Variants in TRIM9 observed in about 807,000 individuals in gnomAD.
The protein encoded by TRIM9 is E3 ubiquitin-protein ligase TRIM9.
TRIM9 carries 26 observed loss-of-function variants against 78.3 expected under a neutral mutation model. That is an observed-to-expected ratio of 0.33 (90% confidence interval 0.24 to 0.46). TRIM9 has a LOEUF of 0.46. TRIM9 is among the 20% of genes least tolerant of loss of function. The probability of loss-of-function intolerance (pLI) is 1.00; values close to 1 mark genes in which losing one functional copy is unlikely to be tolerated. For synonymous variants in TRIM9, 398 were observed against 416.5 expected, an observed-to-expected ratio of 0.96 and a Z score of 0.54; for missense variants, 787 against 1,036.4, an observed-to-expected ratio of 0.76 and a Z score of 3.30.
chr14:51,023,073 A>C (rs769677988), intron 2 of TRIM9, 116 bp from the exon 3 acceptor site: 455 of 1,359,914 alleles, frequency 3.3e-4, no homozygotes, highest in Non-Finnish European at 4.4e-4. Flanking sequence ...TCCACAATGC[A>C]CATTTGGTAA....
chr14:51,012,151 G>T (rs1009451168), intron 3 of TRIM9, among the ~76,000 whole-genome samples: 1 of 152,080 alleles, frequency 6.6e-6, no homozygotes, highest in African/African-American at 2.4e-5. Flanking sequence ...ACACTATTGT[G>T]CAACTATCAC....
intron 1 of TRIM9, among the ~76,000 whole-genome samples, chr14:51,085,059 T>C (rs571167456): frequency 2.8e-4 from 42 of 152,338 alleles, no homozygotes; most frequent in African/African-American, 9.1e-4. Flanking sequence ...CTTAGACTGA[T>C]AGACAGCGCA....
In TRIM9 at chr14:51,050,947, G is replaced by A. The variant is rs555508963; in HGVS notation, c.823-25587C>T. ...AACTGGTATCTGAATGCAACCTCAC[G>A]GGAGACTCCAACAGAACCACCAAGC... On this transcript the variant is annotated intron_variant, in intron 1 of 12. Transcript: ENST00000684578. 6.6e-5 allele frequency among the ~76,000 whole-genome samples: 10 copies of A among 152,256 alleles called. No homozygotes were observed. The East Asian group carries it at 1.5e-3, about 23-fold the overall frequency.
At chr14:51,055,073 C>A (rs374603725) in intron 1 of TRIM9, among the ~76,000 whole-genome samples, 2 of 152,120 alleles carry the variant, frequency 1.3e-5, no homozygotes, top group Admixed American at 1.3e-4. Flanking sequence ...CCGTCCGCCT[C>A]GGCCTCCCAA....
chr14:51,093,057 G>A (rs1301797899), intron 1 of TRIM9, among the ~76,000 whole-genome samples: 1 of 152,122 alleles, frequency 6.6e-6, no homozygotes, highest in Non-Finnish European at 1.5e-5. Flanking sequence ...GGAACAGTAA[G>A]AAGCAGTGTG....
At position 50,976,670 on chromosome 14, in the gene TRIM9, C is replaced by A. The variant is rs949336128; in HGVS notation, c.*621G>T. The A allele has an allele frequency of 3.3e-5, 5 of 152,662 alleles. No homozygotes were observed. In the East Asian group the frequency reaches 7.7e-4, roughly 24 times the overall value. 9.5% of individuals were successfully genotyped at this position (152,662 alleles called of 1,614,324 possible). On this transcript the variant is annotated 3_prime_UTR_variant, in exon 13 of 13. Transcript: ENST00000684578. ...CTAATTATAGAGCCATCCTAACGAT[C>A]CTACCCTGATGTGAACCTGTGTAGC...
At chr14:50,997,715 T>C in intron 7 of TRIM9, 1 of 1,198,962 alleles carries the variant, frequency 8.3e-7, no homozygotes, top group Non-Finnish European at 1.0e-6. Context: ...AATGGGAGCC[T>C]GCTCTAGAGC....
intron 1 of TRIM9, among the ~76,000 whole-genome samples, chr14:51,053,595 A>ATTT (rs59227932): frequency 2.3e-4 from 19 of 82,120 alleles, no homozygotes; most frequent in Admixed American, 3.8e-4. Flanking sequence ...TTTTTTTTTA[A>ATTT]TTTTTTTTTT....
At chr14:51,027,395 C>G (rs758370732) in intron 1 of TRIM9, among the ~76,000 whole-genome samples, 2 of 152,058 alleles carry the variant, frequency 1.3e-5, no homozygotes, top group African/African-American at 4.8e-5. Context: ...CCACCCACCT[C>G]GACCTCCCAA....
chr14:50,997,113 T>C (rs868111478), intron 7 of TRIM9: 1 of 985,260 alleles, frequency 1.0e-6, no homozygotes, highest in Non-Finnish European at 1.2e-6. Context: ...GGGGGGGTGA[T>C]TTCTTTGATT....
At chr14:51,044,699 T>C (rs2059815918) in intron 1 of TRIM9, among the ~76,000 whole-genome samples, 1 of 152,180 alleles carries the variant, frequency 6.6e-6, no homozygotes, top group African/African-American at 2.4e-5. Flanking sequence ...TTCATTGTAT[T>C]TATATTATGT....
intron 7 of TRIM9, chr14:50,996,063 G>A (rs1215684651): frequency 1.9e-5 from 19 of 984,602 alleles, no homozygotes; most frequent in Non-Finnish European, 2.2e-5. Context: ...ACAAACCAAA[G>A]TTATGGAGAA....
intron 1 of TRIM9, among the ~76,000 whole-genome samples, chr14:51,075,213 T>G (rs1183941675): frequency 6.6e-6 from 1 of 152,128 alleles, no homozygotes; most frequent in Non-Finnish European, 1.5e-5. Context: ...TCAAATTGCA[T>G]CTCCAAGTTT....
chr14:51,089,394 A>G (rs1390079476), intron 1 of TRIM9: 1 of 152,258 alleles, frequency 6.6e-6, no homozygotes, highest in Non-Finnish European at 1.5e-5. Flanking sequence ...AGTGCAATTT[A>G]TCATACTGAT....
rs576799138 is a variant in TRIM9, at chr14:50,997,484, C to G, written c.1603+566G>C. ...TCTCAATCCTGGTGCTGACGGCCTC[C>G]GCTTTGGGTATGAAACGGAGGCAGT... On this transcript the variant is annotated intron_variant, in intron 7 of 12. Coordinates refer to ENST00000684578, the MANE Select transcript of TRIM9 (RefSeq NM_001387360.1). The G allele has an allele frequency of 1.3e-3, 1,261 of 985,688 alleles. 2 individuals carry two copies. Among genetic ancestry groups the G allele is most frequent in the Non-Finnish European group, 1.4e-3 (1,188 of 830,202 alleles). 61.1% of individuals were successfully genotyped at this position (985,688 alleles called of 1,614,324 possible).
chr14:51,004,561 G>C (rs1447324082), intron 5 of TRIM9, among the ~76,000 whole-genome samples: 3 of 152,010 alleles, frequency 2.0e-5, no homozygotes, highest in African/African-American at 4.8e-5. Flanking sequence ...ACCTCAACAG[G>C]GAACACTAAT....
At chr14:51,078,883 T>A (rs1159764169) in intron 1 of TRIM9, among the ~76,000 whole-genome samples, 1 of 152,302 alleles carries the variant, frequency 6.6e-6, no homozygotes, top group African/African-American at 2.4e-5. Context: ...GTTAAATAAG[T>A]AGATTTTAGC....
chr14:51,084,265 G>A (rs928098114), intron 1 of TRIM9, among the ~76,000 whole-genome samples: 4 of 151,828 alleles, frequency 2.6e-5, no homozygotes, highest in Non-Finnish European at 4.4e-5. Flanking sequence ...ATTGTTTATC[G>A]AGCTTGGTGA....
chr14:51,002,754 G>A (rs554686220), intron 5 of TRIM9, among the ~76,000 whole-genome samples: 4 of 152,344 alleles, frequency 2.6e-5, no homozygotes, highest in Admixed American at 1.3e-4. Flanking sequence ...CATAAGAAAT[G>A]AGAAGGTGAA....
Sources: allele counts gnomAD v4.1 joint callset (sites outside exome capture counted in the v4.1 genomes callset), GRCh38; gene constraint gnomAD v4.1.1; transcripts MANE v1.5; gene names NCBI Gene and HGNC (gene_info 2026-07-23, HGNC 2026-07-21).